CCDC152: variants seen among roughly 807,000 people sequenced by gnomAD.
CCDC152 encodes coiled-coil domain-containing protein 152.
In CCDC152, 37 loss-of-function variants were observed where a neutral mutation model predicts 38.1. That is an observed-to-expected ratio of 0.97 (90% CI 0.75 to 1.28). CCDC152 has a LOEUF of 1.28. Among genes scored for constraint, CCDC152 ranks in the 50% most tolerant of loss-of-function variants. The probability of loss-of-function intolerance (pLI) is 0.00; values close to 1 mark genes in which losing one functional copy is unlikely to be tolerated. For synonymous variants in CCDC152, 83 were observed against 87.1 expected, an observed-to-expected ratio of 0.95 and a Z score of 0.26; for missense variants, 259 against 292.1, an observed-to-expected ratio of 0.89 and a Z score of 0.83.
intron 4 of CCDC152, among the ~76,000 whole-genome samples, chr5:42,771,018 T>C (rs1007239949): frequency 1.8e-4 from 28 of 152,286 alleles, no homozygotes; most frequent in African/African-American, 6.5e-4. Context: ...TTCTAATAGG[T>C]TTTCTAAGTA....
chr5:42,795,400 G>A (rs1256997351), intron 6 of CCDC152, among the ~76,000 whole-genome samples: 1 of 152,170 alleles, frequency 6.6e-6, no homozygotes, highest in Non-Finnish European at 1.5e-5. Context: ...CGCAGAACTA[G>A]TAGGTGACAG....
At chr5:42,772,342 T>A (rs776403085) in intron 4 of CCDC152, among the ~76,000 whole-genome samples, 1 of 152,216 alleles carries the variant, frequency 6.6e-6, no homozygotes, top group Non-Finnish European at 1.5e-5. Flanking sequence ...AACATCATAA[T>A]CAATGGGAGA....
intron 1 of CCDC152, among the ~76,000 whole-genome samples, chr5:42,757,693 G>C (rs767050983): frequency 5.7e-4 from 87 of 152,298 alleles, no homozygotes; most frequent in Middle Eastern, 3.4e-3. Context: ...TGCCATTATG[G>C]CAAAAGGGAT....
At chr5:42,782,124 C>T (rs1015134691) in intron 5 of CCDC152, among the ~76,000 whole-genome samples, 2 of 152,146 alleles carry the variant, frequency 1.3e-5, no homozygotes, top group Admixed American at 1.3e-4. Flanking sequence ...TCTCTCTATG[C>T]CTCCTCATAA....
chr5:42,777,875 T>C (rs887523720), intron 4 of CCDC152, among the ~76,000 whole-genome samples: 2 of 152,188 alleles, frequency 1.3e-5, no homozygotes, highest in African/African-American at 2.4e-5. Flanking sequence ...AATTCTTAGT[T>C]TTGTTTATAG....
intron 5 of CCDC152, among the ~76,000 whole-genome samples, chr5:42,781,555 G>GCA (rs767352552): frequency 0.025 from 3,037 of 123,600 alleles, 82 homozygotes; most frequent in African/African-American, 0.067. Context: ...GCGCGCGCGC[G>GCA]CACACACACA....
chr5:42,794,375 G>C (rs898564637), intron 6 of CCDC152, among the ~76,000 whole-genome samples: 8 of 152,236 alleles, frequency 5.3e-5, no homozygotes, highest in African/African-American at 1.9e-4. Context: ...CCTGGCCTGA[G>C]ACTTCTAGCA....
Position 42,801,654 on chromosome 5 carries a change from T to C in CCDC152, c.*1873T>C, listed in dbSNP as rs1273805048. 1 of 349,782 alleles carries C rather than the reference T, an allele frequency of 2.9e-6. No homozygotes were observed. The highest frequency in any genetic ancestry group is 2.1e-5 in the African/African-American group (1 of 47,668). The allele number at this position is 349,782 out of a possible 1,614,324, so 21.7% of individuals were successfully genotyped here. A position where few individuals can be genotyped will look rare whatever the true frequency, so the allele number is the denominator to read the frequency against. On this transcript the variant is annotated 3_prime_UTR_variant, in exon 9 of 9. Transcript: ENST00000361970. ...GATCTGGGCCGAGCATGGTGGCTCA[T>C]GCCTGTAATCCCACCACTTTGGGTG...
chr5:42,791,536 C>T (rs1023081572), intron 6 of CCDC152, among the ~76,000 whole-genome samples: 5 of 152,212 alleles, frequency 3.3e-5, no homozygotes, highest in Non-Finnish European at 7.3e-5. Flanking sequence ...TCTGGGCCCT[C>T]CTGAAGAACA....
chr5:42,759,503 T>C (rs1759521583), intron 2 of CCDC152, among the ~76,000 whole-genome samples: 1 of 152,234 alleles, frequency 6.6e-6, no homozygotes. Context: ...GAGGTTTTGC[T>C]TTTTACAATT....
intron 2 of CCDC152, 100 bp downstream of exon 2, chr5:42,759,308 A>C: frequency 1.6e-6 from 1 of 611,104 alleles, no homozygotes; most frequent in Admixed American, 3.2e-5. Flanking sequence ...CCAAAAAATG[A>C]TCAAGATAAT....
At chr5:42,780,348 CT>C (rs1270435313) in intron 5 of CCDC152, among the ~76,000 whole-genome samples, 7 of 152,120 alleles carry the variant, frequency 4.6e-5, no homozygotes, top group Non-Finnish European at 7.4e-5. Flanking sequence ...GAAAATTTAG[CT>C]TTTCATCACC....
intron 6 of CCDC152, among the ~76,000 whole-genome samples, chr5:42,790,751 A>G (rs571539236): frequency 1.1e-3 from 161 of 152,320 alleles, no homozygotes; most frequent in African/African-American, 3.7e-3. Flanking sequence ...AAATTTGCCC[A>G]TTAAATAAGT....
intron 6 of CCDC152, among the ~76,000 whole-genome samples, chr5:42,793,460 T>C (rs1412271096): frequency 2.0e-5 from 3 of 151,994 alleles, no homozygotes; most frequent in Admixed American, 6.6e-5. Context: ...ACTTTAAAAA[T>C]ACAAAAAAAC....
In CCDC152 at chr5:42,783,457, T is replaced by C. The variant is rs1561277213; in HGVS notation, c.328-17T>C. ...CATATTTAAATTTTAAAAATTAATA[T>C]ATATTTTAATCTTTAGGAATATAAG... On this transcript the variant is annotated splice_polypyrimidine_tract_variant and intron_variant, in intron 5 of 8. Transcript: ENST00000361970. 9.4e-7 allele frequency: 1 copy of C among 1,066,566 alleles called. No individual in the cohort carries two copies. Among genetic ancestry groups the C allele is most frequent in the Non-Finnish European group, 1.2e-6 (1 of 830,800 alleles). The allele number at this position is 1,066,566 out of a possible 1,614,324, so 66.1% of individuals were successfully genotyped here. A position where few individuals can be genotyped will look rare whatever the true frequency, so the allele number is the denominator to read the frequency against.
At position 42,788,965 on chromosome 5, in the gene CCDC152, T is replaced by A. The variant is rs1342095273; in HGVS notation, c.430+5389T>A. ...ACAGAGATCCCTTGGGCAGCAGCAGTGGCCCACGACAGGTACACAGCCAGT... is the reference window on the plus strand; with the variant it reads ...ACAGAGATCCCTTGGGCAGCAGCAGAGGCCCACGACAGGTACACAGCCAGT... On this transcript the variant is annotated intron_variant, in intron 6 of 8. Transcript: ENST00000361970. Among the ~76,000 whole-genome samples the A allele has an allele frequency of 3.3e-5, 5 of 152,280 alleles. No homozygotes were observed. In the East Asian group the frequency reaches 9.7e-4, roughly 29 times the overall value.
In CCDC152 at chr5:42,800,649, G is replaced by A. The variant is rs1309803738; in HGVS notation, c.*868G>A. 2.0e-6 allele frequency: 3 copies of A among 1,483,192 alleles called. No individual in the cohort carries two copies. The highest frequency in any genetic ancestry group is 2.7e-6 in the Non-Finnish European group (3 of 1,108,380). The allele number at this position is 1,483,192 out of a possible 1,614,324, so 91.9% of individuals were successfully genotyped here. On this transcript the variant is annotated 3_prime_UTR_variant, in exon 9 of 9. Transcript: ENST00000361970. ...TTTCTATTTTTGGTTCACTAATTTG[G>A]TAGTTTATAAAAATGCTGGAAATGA...
At chr5:42,770,454 C>T (rs1299007838) in intron 4 of CCDC152, among the ~76,000 whole-genome samples, 1 of 151,978 alleles carries the variant, frequency 6.6e-6, no homozygotes, top group Non-Finnish European at 1.5e-5. Flanking sequence ...GACTAAAATA[C>T]CACACCCAGC....
chr5:42,790,033 G>A (rs904361763), intron 6 of CCDC152, among the ~76,000 whole-genome samples: 1 of 152,154 alleles, frequency 6.6e-6, no homozygotes, highest in Non-Finnish European at 1.5e-5. Flanking sequence ...AAATGAAAAG[G>A]CAATCCATAG....
Sources: gnomAD v4.1 joint callset for allele counts (sites outside exome capture counted in the v4.1 genomes callset) on GRCh38, gnomAD v4.1.1 for gene constraint, MANE v1.5 for transcripts, NCBI Gene and HGNC (gene_info 2026-07-23, HGNC 2026-07-21) for gene names.